Variants in TMTC3 observed in about 807,000 individuals in gnomAD.
TMTC3 encodes transmembrane O-mannosyltransferase targeting cadherins 3, also known as protein O-mannosyl-transferase TMTC3.
A neutral mutation model predicts 92.2 loss-of-function variants in TMTC3; 52 were observed. That is an observed-to-expected ratio of 0.56 (90% CI 0.45 to 0.71). TMTC3 has a LOEUF of 0.71. TMTC3 is among the 30% of genes least tolerant of loss of function. The pLI is 0.00. For missense variants in TMTC3, 896 were observed against 1,057.1 expected (o/e 0.85, Z 2.11); for synonymous variants, 339 against 363.3 (o/e 0.93, Z 0.76).
intron 2 of TMTC3, among the ~76,000 whole-genome samples, chr12:88,151,091 A>G (rs556946487): frequency 6.6e-6 from 1 of 151,668 alleles, no homozygotes; most frequent in South Asian, 2.1e-4. Context: ...TATTTCAGAT[A>G]ATCTCAGAGT....
chr12:88,162,911 T>TC (rs1197706723), intron 6 of TMTC3, among the ~76,000 whole-genome samples: 1 of 79,042 alleles, frequency 1.3e-5, no homozygotes, highest in Non-Finnish European at 2.4e-5. Flanking sequence ...TTGCTTTTTT[T>TC]CTTTCTTCTT....
At chr12:88,181,070 G>A (rs1184456962) in intron 10 of TMTC3, among the ~76,000 whole-genome samples, 1 of 152,182 alleles carries the variant, frequency 6.6e-6, no homozygotes, top group Non-Finnish European at 1.5e-5. Flanking sequence ...AGGGATACCT[G>A]TGGAATGTTG....
chr12:88,188,774 T>C (rs2041406793), intron 10 of TMTC3, 69 bp from the exon 11 acceptor site: 3 of 731,106 alleles, frequency 4.1e-6, no homozygotes, highest in Non-Finnish European at 6.8e-6. Context: ...ATACATTTAA[T>C]CATTTCATTG....
At chr12:88,142,926 A>C (rs1307264816) in intron 1 of TMTC3, among the ~76,000 whole-genome samples, 1 of 152,124 alleles carries the variant, frequency 6.6e-6, no homozygotes, top group Non-Finnish European at 1.5e-5. Context: ...TGGAGAGAGA[A>C]GGGATCCAAG....
Position 88,198,146 on chromosome 12 carries a change from C to T in TMTC3, c.*2497C>T. 1 of 392,962 alleles carries T rather than the reference C, an allele frequency of 2.5e-6. No homozygotes were observed. The highest frequency in any genetic ancestry group is 3.6e-5 in the East Asian group (1 of 27,880). The allele number at this position is 392,962 out of a possible 1,614,324, so 24.3% of individuals were successfully genotyped here. ...CTTGTGTAAGATTATTATTTCTTCT[C>T]TATAACTTCAAAATAGATATTTCAT... On this transcript the variant is annotated 3_prime_UTR_variant, in exon 14 of 14. Coordinates refer to ENST00000266712, the MANE Select transcript of TMTC3 (RefSeq NM_181783.4).
intron 10 of TMTC3, among the ~76,000 whole-genome samples, chr12:88,179,078 T>C (rs2041289258): frequency 6.6e-6 from 1 of 152,226 alleles, no homozygotes; most frequent in African/African-American, 2.4e-5. Flanking sequence ...ACTTTGAGAA[T>C]TGCTGTTTCT....
chr12:88,194,861 G>T lies in TMTC3; in HGVS notation c.1957G>T (p.Ala653Ser), dbSNP rs773688858. Reference sequence around the variant, plus strand: ...AGGTGAGGTTAAACTCAGACCTGAAGCTAGAAAACGACTTCTAAGTTATAT... The same window carrying T: ...AGGTGAGGTTAAACTCAGACCTGAATCTAGAAAACGACTTCTAAGTTATAT... ...ESGEVKLRPE[A>S]RKRLLSYINE... Residue 653 changes from alanine (A) to serine (S), a missense_variant, in exon 14 of 14, where the codon GCT (alanine) becomes TCT (serine). By Grantham distance (99) the Ala-to-Ser change is moderately conservative (BLOSUM62 1). Transcript: ENST00000266712. 1 of 1,599,098 alleles carries T rather than the reference G, an allele frequency of 6.3e-7. No homozygotes were observed. Among genetic ancestry groups the T allele is most frequent in the Non-Finnish European group, 8.5e-7 (1 of 1,174,168 alleles).
intron 1 of TMTC3, among the ~76,000 whole-genome samples, chr12:88,147,471 A>G (rs2040889627): frequency 6.6e-6 from 1 of 152,154 alleles, no homozygotes. Flanking sequence ...ATGTATATAT[A>G]GCTGTCCTAT....
In TMTC3 at chr12:88,195,695, A is replaced by G. The variant is rs2041504575; in HGVS notation, c.*46A>G. On this transcript the variant is annotated 3_prime_UTR_variant, in exon 14 of 14. Coordinates refer to ENST00000266712, the MANE Select transcript of TMTC3 (RefSeq NM_181783.4). ...ATGGTATCAAAGAACATCAATCCGT[A>G]TCATGTGATTGCTTTTACTGGGAGC... is the stretch of plus-strand genomic sequence containing the variant. 1.3e-6 allele frequency: 2 copies of G among 1,482,542 alleles called. No homozygotes were observed. Among genetic ancestry groups the G allele is most frequent in the African/African-American group, 1.4e-5 (1 of 70,892 alleles). The allele number at this position is 1,482,542 out of a possible 1,614,324, so 91.8% of individuals were successfully genotyped here. A position where few individuals can be genotyped will look rare whatever the true frequency, so the allele number is the denominator to read the frequency against.
intron 4 of TMTC3, among the ~76,000 whole-genome samples, chr12:88,159,076 A>G (rs2041045123): frequency 6.6e-6 from 1 of 151,832 alleles, no homozygotes. Flanking sequence ...GGAAAAAAAA[A>G]AAAAAGAAAA....
At chr12:88,155,238 TC>T (rs1460508278) in intron 4 of TMTC3, among the ~76,000 whole-genome samples, 5 of 152,228 alleles carry the variant, frequency 3.3e-5, no homozygotes, top group African/African-American at 1.2e-4. Context: ...ATTTACTAGT[TC>T]CATTCACCGT....
chr12:88,153,127 A>G (rs1386819996), intron 2 of TMTC3, among the ~76,000 whole-genome samples, 164 bp from the exon 3 acceptor site: 1 of 152,068 alleles, frequency 6.6e-6, no homozygotes, highest in Non-Finnish European at 1.5e-5. Context: ...CAGATTATAA[A>G]ACTGTATTTT....
intron 11 of TMTC3, 25 bp downstream of exon 11, chr12:88,188,971 G>T (rs2041409523): frequency 7.8e-7 from 1 of 1,279,544 alleles, no homozygotes; most frequent in South Asian, 1.3e-5. Flanking sequence ...TTTATCTATT[G>T]TGTCATATCT....
At chr12:88,146,722 AAAG>A (rs1446515485) in intron 1 of TMTC3, among the ~76,000 whole-genome samples, 1 of 150,748 alleles carries the variant, frequency 6.6e-6, no homozygotes, top group Non-Finnish European at 1.5e-5. Context: ...CTAACTTAAC[AAAG>A]AAAACTTTCT....
chr12:88,144,804 AGT>A (rs2040852744), intron 1 of TMTC3, among the ~76,000 whole-genome samples: 1 of 152,220 alleles, frequency 6.6e-6, no homozygotes, highest in Non-Finnish European at 1.5e-5. Context: ...TCTGTACCTA[AGT>A]GTGAGTCAGG....
At chr12:88,147,655 A>G (rs2040891473) in intron 1 of TMTC3, among the ~76,000 whole-genome samples, 1 of 152,178 alleles carries the variant, frequency 6.6e-6, no homozygotes. Context: ...TAGGTTTATT[A>G]ATATAGAATT....
In TMTC3 at chr12:88,191,406, A is replaced by G. The variant is rs950488278; in HGVS notation, c.1706+784A>G. Reference sequence around the variant, plus strand: ...TATTTTGGACAAACATTCATTCTAGAAGTGGTTTTAATGAGAATATTAATT... The same window carrying G: ...TATTTTGGACAAACATTCATTCTAGGAGTGGTTTTAATGAGAATATTAATT... On this transcript the variant is annotated intron_variant, in intron 12 of 13. Transcript: ENST00000266712. Among the ~76,000 whole-genome samples, 8 of 152,284 alleles carry G rather than the reference A, an allele frequency of 5.3e-5. No individual in the cohort carries two copies. In the South Asian group the frequency reaches 1.2e-3, roughly 24 times the overall value.
At position 88,154,436 on chromosome 12, in the gene TMTC3, A is replaced by G. The variant is rs752820283; in HGVS notation, c.508+49A>G. On this transcript the variant is annotated intron_variant, in intron 4 of 13. Coordinates refer to ENST00000266712, the MANE Select transcript of TMTC3 (RefSeq NM_181783.4). ...TTTTTAATAGTGCTAAAACTTGATT[A>G]AGGAATTTTTATTTACTCCAAGTGC... 7.4e-6 allele frequency: 10 copies of G among 1,353,492 alleles called. No individual in the cohort carries two copies. The South Asian group carries it at 1.3e-4, about 18-fold the overall frequency. 83.8% of individuals were successfully genotyped at this position (1,353,492 alleles called of 1,614,324 possible).
intron 4 of TMTC3, among the ~76,000 whole-genome samples, chr12:88,158,310 C>T (rs996606529): frequency 4.6e-5 from 7 of 152,136 alleles, no homozygotes; most frequent in Non-Finnish European, 1.0e-4. Context: ...TTTCTACATC[C>T]ACCTTTCCCA....
Sources: allele counts gnomAD v4.1 joint callset (sites outside exome capture counted in the v4.1 genomes callset), GRCh38; gene constraint gnomAD v4.1.1; transcripts MANE v1.5; gene names NCBI Gene and HGNC (gene_info 2026-07-23, HGNC 2026-07-21).